WIPI2: variants seen among roughly 807,000 people sequenced by gnomAD.
The protein encoded by WIPI2 is WD repeat domain, phosphoinositide interacting 2.
A neutral mutation model predicts 52.3 loss-of-function variants in WIPI2; 28 were observed. That is an observed-to-expected ratio of 0.54 (90% CI 0.40 to 0.73). WIPI2 has a LOEUF of 0.73. Ranked by LOEUF, WIPI2 falls within the 30% of genes least tolerant of loss-of-function variation. WIPI2 has a pLI of 0.00. For missense variants in WIPI2, 506 were observed against 602.9 expected (o/e 0.84, Z 1.68); for synonymous variants, 268 against 245.0 (o/e 1.09, Z -0.88).
At chr7:5,208,331 T>C (rs1321645676) in intron 3 of WIPI2, among the ~76,000 whole-genome samples, 2 of 152,178 alleles carry the variant, frequency 1.3e-5, no homozygotes, top group African/African-American at 2.4e-5. Flanking sequence ...TTGTCAGATA[T>C]GTTTTGTGAC....
At chr7:5,206,410 T>A (rs1245235764) in intron 3 of WIPI2, among the ~76,000 whole-genome samples, 5 of 152,190 alleles carry the variant, frequency 3.3e-5, no homozygotes, top group Non-Finnish European at 7.4e-5. Context: ...AGGTGTTGAG[T>A]ATATGGAGGT....
chr7:5,224,283 T>G (rs1292039910), intron 8 of WIPI2, among the ~76,000 whole-genome samples: 1 of 152,192 alleles, frequency 6.6e-6, no homozygotes, highest in African/African-American at 2.4e-5. Context: ...CCAAGTCGAG[T>G]GTCGCCCTCG....
Position 5,231,928 on chromosome 7 carries a change from C to G in WIPI2, c.*981C>G. ...CAGAGAGTAGGCGGCTGGGCCACGT[C>G]CTTCACAGGGCGTCATGTGCCTTTC... On this transcript the variant is annotated 3_prime_UTR_variant, in exon 13 of 13. Coordinates refer to ENST00000288828, the MANE Select transcript of WIPI2 (RefSeq NM_015610.4). 3.0e-6 allele frequency: 1 copy of G among 337,772 alleles called. No homozygotes were observed. The highest frequency in any genetic ancestry group is 5.3e-6 in the Non-Finnish European group (1 of 187,526). 20.9% of individuals were successfully genotyped at this position (337,772 alleles called of 1,614,324 possible). A position where few individuals can be genotyped will look rare whatever the true frequency, so the allele number is the denominator to read the frequency against.
rs995491540 is a variant in WIPI2, at chr7:5,227,110, G to T, written c.849-70G>T. Reference sequence around the variant, plus strand: ...CTGTCGGCTCCAGAGCTGTGCGTCTGTGTGAGTAGGGGGTGGCCGTCCCCC... The same window carrying T: ...CTGTCGGCTCCAGAGCTGTGCGTCTTTGTGAGTAGGGGGTGGCCGTCCCCC... On this transcript the variant is annotated intron_variant, in intron 9 of 12. Transcript: ENST00000288828. The surrounding 1 kb of genome is among the most constrained non-coding windows in gnomAD (Gnocchi z 8.1). 1 of 1,590,926 alleles carries T rather than the reference G, an allele frequency of 6.3e-7. No individual in the cohort carries two copies. Among genetic ancestry groups the T allele is most frequent in the African/African-American group, 1.3e-5 (1 of 74,376 alleles).
intron 3 of WIPI2, among the ~76,000 whole-genome samples, chr7:5,202,956 C>T (rs184729102): frequency 9.7e-4 from 148 of 152,262 alleles, no homozygotes; most frequent in African/African-American, 3.3e-3. Context: ...GTTTTCTTTG[C>T]ATTTGCTAAA....
rs748005611 is a variant in WIPI2 at position 5,227,345 on chromosome 7, G to A, written c.1013+1G>A. The stretch of plus-strand genomic sequence containing the variant: ...ACAAAAACATCTGCTCGCTAGCCAC[G>A]TGAGTAGAGCCGGCGCCTCCGTCCC... On this transcript the variant is annotated splice_donor_variant, in intron 10 of 12. Transcript: ENST00000288828. LOFTEE classifies it high-confidence loss of function. The surrounding 1 kb of genome is among the most constrained non-coding windows in gnomAD (Gnocchi z 8.1). The A allele has an allele frequency of 3.1e-6, 5 of 1,612,454 alleles. No individual in the cohort carries two copies. Among genetic ancestry groups the A allele is most frequent in the South Asian group, 1.1e-5 (1 of 91,086 alleles).
chr7:5,196,764 G>A (rs1022698181), intron 2 of WIPI2, among the ~76,000 whole-genome samples: 3 of 152,070 alleles, frequency 2.0e-5, no homozygotes, highest in African/African-American at 7.2e-5. Context: ...GGATGGTCAC[G>A]AGGAAAAGTG....
rs924089701 is a variant in WIPI2, at chr7:5,230,719, C to T, written c.1253-116C>T. Reference sequence around the variant, plus strand: ...AATCAGAATTCAGAACGTCTTAGTACAGGCTTCAGTTTATAAATATACACC... The same window carrying T: ...AATCAGAATTCAGAACGTCTTAGTATAGGCTTCAGTTTATAAATATACACC... On this transcript the variant is annotated intron_variant, in intron 12 of 12. Coordinates refer to ENST00000288828, the MANE Select transcript of WIPI2 (RefSeq NM_015610.4). This position sits in a 1 kb window ranked among gnomAD's most constrained non-coding sequence, Gnocchi z 4.8. 21 of 649,002 alleles carry T rather than the reference C, an allele frequency of 3.2e-5. No individual in the cohort carries two copies. Among genetic ancestry groups the T allele is most frequent in the African/African-American group, 2.7e-4 (14 of 52,824 alleles). The allele number at this position is 649,002 out of a possible 1,614,324, so 40.2% of individuals were successfully genotyped here.
At chr7:5,213,399 G>A (rs1403118478) in intron 3 of WIPI2, 1 of 152,568 alleles carries the variant, frequency 6.6e-6, no homozygotes, top group Non-Finnish European at 1.5e-5. Flanking sequence ...CTGCAGGATG[G>A]CGCGTAGGTC....
rs555231937 is a variant in WIPI2, at chr7:5,229,686, C to T, written c.1200C>T (p.Tyr400=). The T allele has an allele frequency of 1.2e-5, 19 of 1,613,900 alleles. No homozygotes were observed. Among genetic ancestry groups the T allele is most frequent in the African/African-American group, 5.3e-5 (4 of 74,908 alleles). ...ACTGCCCCTTAGTCACTCAGACATA[C>T]GGCGCAGCTGCAGGAAAAGGTACTT... The part of the protein sequence containing the change: ...SHDCPLVTQT[Y]GAAAGKGTYV... Residue 400 remains tyrosine (Y), a synonymous_variant, in exon 12 of 13, where the codon TAC becomes TAT. Coordinates refer to ENST00000288828, the MANE Select transcript of WIPI2 (RefSeq NM_015610.4).
chr7:5,193,048 C>A, intron 1 of WIPI2, 70 bp from the exon 2 acceptor site: 2 of 1,464,970 alleles, frequency 1.4e-6, no homozygotes, highest in South Asian at 1.2e-5. Flanking sequence ...GATTCCTATC[C>A]TAAAAGTGTG....
At chr7:5,229,216 T>C (rs1394280798) in intron 11 of WIPI2, among the ~76,000 whole-genome samples, 4 of 152,036 alleles carry the variant, frequency 2.6e-5, no homozygotes, top group African/African-American at 9.7e-5. Flanking sequence ...GGGGTTTCAC[T>C]GTGTTAGCCA....
chr7:5,212,269 C>G (rs942004903), intron 3 of WIPI2, among the ~76,000 whole-genome samples: 2 of 152,102 alleles, frequency 1.3e-5, no homozygotes, highest in Admixed American at 6.6e-5. Flanking sequence ...AACTCTGTCT[C>G]TCAGCCATTG....
rs183578277 is a variant in WIPI2 at position 5,213,977 on chromosome 7, G to A, written c.212-558G>A. On this transcript the variant is annotated intron_variant, in intron 3 of 12. Coordinates refer to ENST00000288828, the MANE Select transcript of WIPI2 (RefSeq NM_015610.4). ...TGGGATTACAGGCGTGAGCCACCGC[G>A]CCCGGCCCCTTCAGGGCATTTCTTA... Among the ~76,000 whole-genome samples, 203 of 152,312 alleles carry A rather than the reference G, an allele frequency of 1.3e-3. 7 individuals carry two copies. The highest frequency in any genetic ancestry group is 0.013 in the Admixed American group (194 of 15,296).
chr7:5,204,544 C>A (rs1406422840), intron 3 of WIPI2, among the ~76,000 whole-genome samples: 1 of 152,122 alleles, frequency 6.6e-6, no homozygotes, highest in African/African-American at 2.4e-5. Flanking sequence ...AAAATGGCAA[C>A]AAACCTAAAC....
At chr7:5,219,416 A>G (rs1246208785) in intron 7 of WIPI2, among the ~76,000 whole-genome samples, 1 of 151,588 alleles carries the variant, frequency 6.6e-6, no homozygotes, top group Non-Finnish European at 1.5e-5. Context: ...TAAAGGCCCA[A>G]AAGTACTTGA....
At chr7:5,205,695 A>G (rs1489083212) in intron 3 of WIPI2, among the ~76,000 whole-genome samples, 1 of 152,010 alleles carries the variant, frequency 6.6e-6, no homozygotes, top group Non-Finnish European at 1.5e-5. Context: ...TTTAGTAGAG[A>G]TGGGGTTTCA....
At position 5,222,657 on chromosome 7, in the gene WIPI2, G is replaced by A. The variant is rs371973214; in HGVS notation, c.725G>A (p.Arg242Gln). Reference protein sequence around the residue: ...IPEGQKLFEFRRGVKRCVSIC... With the variant: ...IPEGQKLFEFQRGVKRCVSIC... ...GAAGGACAAAAACTCTTTGAGTTTCGGAGAGGAGTAAAGAGGTAAAGTACG... is the reference window on the plus strand; with the variant it reads ...GAAGGACAAAAACTCTTTGAGTTTCAGAGAGGAGTAAAGAGGTAAAGTACG... Residue 242 changes from arginine (R) to glutamine (Q), a missense_variant, in exon 8 of 13, where the codon CGG becomes CAG. Arg to Gln is a conservative substitution (Grantham distance 43). Transcript: ENST00000288828. 6.2e-6 allele frequency: 10 copies of A among 1,613,946 alleles called. No individual in the cohort carries two copies. Among genetic ancestry groups the A allele is most frequent in the African/African-American group, 1.3e-5 (1 of 75,040 alleles).
chr7:5,222,702 C>A, intron 8 of WIPI2, 30 bp downstream of exon 8: 1 of 1,592,586 alleles, frequency 6.3e-7, no homozygotes, highest in Non-Finnish European at 8.6e-7. Flanking sequence ...AGAATGGATT[C>A]TGGAGGTTGT....
Sources: gnomAD v4.1 joint callset for allele counts (sites outside exome capture counted in the v4.1 genomes callset) on GRCh38, gnomAD v4.1.1 for gene constraint, Gnocchi (gnomAD v3.1) non-coding constraint, MANE v1.5 for transcripts, NCBI Gene and HGNC (gene_info 2026-07-23, HGNC 2026-07-21) for gene names.